RAB38: variants seen among roughly 807,000 people sequenced by gnomAD.
RAB38 encodes ras-related protein Rab-38.
RAB38 carries 15 observed loss-of-function variants against 18.4 expected under a neutral mutation model. The ratio of observed to expected loss-of-function variants is 0.82; its 90% CI spans 0.55 to 1.26. RAB38 has a LOEUF of 1.26. Ranked by LOEUF, RAB38 falls within the 50% of genes most tolerant of loss-of-function variation. The pLI, the probability that RAB38 is intolerant of heterozygous loss-of-function variation, is 0.00. For synonymous variants in RAB38, 101 were observed against 104.4 expected (o/e 0.97, Z 0.20); for missense variants, 294 against 267.4 (o/e 1.10, Z -0.69).
the RAB38 span, among the ~76,000 whole-genome samples, chr11:88,105,106 T>C: frequency 3.3e-5 from 5 of 152,122 alleles, no homozygotes; most frequent in African/African-American, 1.2e-4. Context: ...GATTAAAGCA[T>C]TTTCATATTA....
At chr11:88,154,624 T>C (rs971917361) in intron 1 of RAB38, among the ~76,000 whole-genome samples, 2 of 152,064 alleles carry the variant, frequency 1.3e-5, no homozygotes, top group South Asian at 2.1e-4. Flanking sequence ...GTGACAGACA[T>C]AGATCGTGGT....
the RAB38 span, among the ~76,000 whole-genome samples, chr11:87,852,091 A>T: frequency 2.1e-5 from 3 of 146,192 alleles, no homozygotes; most frequent in African/African-American, 2.6e-5. Context: ...AGAACTTAGT[A>T]GGGTCTTTTT....
chr11:88,108,261 T>G (rs1031176485), downstream of RAB38, among the ~76,000 whole-genome samples: 5 of 152,188 alleles, frequency 3.3e-5, no homozygotes, highest in African/African-American at 1.2e-4. Flanking sequence ...CCTAAGTCTC[T>G]TTGTAGGTCT....
the RAB38 span, among the ~76,000 whole-genome samples, chr11:87,900,660 G>GTAGGAA: frequency 7.9e-6 from 1 of 126,218 alleles, no homozygotes; most frequent in Non-Finnish European, 1.6e-5. Flanking sequence ...AGAAAGAAAG[G>GTAGGAA]TAGGAAGGAA....
the RAB38 span, among the ~76,000 whole-genome samples, chr11:88,092,380 GA>G: frequency 6.5e-5 from 2 of 30,826 alleles, 1 homozygote; most frequent in African/African-American, 2.2e-4. Flanking sequence ...GAGAGAGAGA[GA>G]GAGAGAGAGA....
At chr11:88,010,714 C>T in the RAB38 span, among the ~76,000 whole-genome samples, 8 of 152,154 alleles carry the variant, frequency 5.3e-5, no homozygotes, top group African/African-American at 1.9e-4. Context: ...TCACGATAAT[C>T]CTGCAAATAC....
intron 2 of RAB38, among the ~76,000 whole-genome samples, chr11:88,133,195 C>A (rs559472154): frequency 2.9e-4 from 44 of 151,962 alleles, no homozygotes; most frequent in Non-Finnish European, 5.9e-4. Context: ...GTTCCCAAAG[C>A]CAATTCACTT....
At chr11:88,130,322 G>A (rs1296463635) in intron 2 of RAB38, among the ~76,000 whole-genome samples, 2 of 151,896 alleles carry the variant, frequency 1.3e-5, no homozygotes, top group South Asian at 2.1e-4. Context: ...GGAAGTGAAC[G>A]CAGAACAGAT....
intron 2 of RAB38, among the ~76,000 whole-genome samples, chr11:88,148,151 A>C (rs1943015110): frequency 6.6e-6 from 1 of 152,200 alleles, no homozygotes; most frequent in Non-Finnish European, 1.5e-5. Flanking sequence ...GCACACTGGC[A>C]TACTGGGGTC....
At chr11:88,006,619 T>C in the RAB38 span, among the ~76,000 whole-genome samples, 2 of 84,646 alleles carry the variant, frequency 2.4e-5, no homozygotes, top group African/African-American at 7.7e-5. Context: ...TATATATATG[T>C]ATATATAATA....
the RAB38 span, among the ~76,000 whole-genome samples, chr11:87,849,477 CACAG>C: frequency 6.6e-6 from 1 of 152,122 alleles, no homozygotes; most frequent in African/African-American, 2.4e-5. Context: ...TATCTTGTCA[CACAG>C]ACAGAACTGT....
At chr11:88,166,511 A>G (rs114706551) in intron 1 of RAB38, 60 of 152,294 alleles carry the variant, frequency 3.9e-4, no homozygotes, top group Middle Eastern at 3.4e-3. Flanking sequence ...TCCCTTCCAG[A>G]TCAAGCTTGC....
At chr11:87,850,714 C>CCA in the RAB38 span, among the ~76,000 whole-genome samples, 75,758 of 146,292 alleles carry the variant, frequency 0.52, 20,345 homozygotes, top group South Asian at 0.66. Flanking sequence ...CACAACACTG[C>CCA]CACACACACA....
intron 1 of RAB38, among the ~76,000 whole-genome samples, chr11:88,158,991 C>G (rs533130407): frequency 2.0e-5 from 3 of 151,728 alleles, no homozygotes; most frequent in Non-Finnish European, 4.4e-5. Context: ...CTCTTTATGG[C>G]CAATATGATT....
chr11:87,923,606 A>G, the RAB38 span, among the ~76,000 whole-genome samples: 6 of 151,136 alleles, frequency 4.0e-5, no homozygotes, highest in African/African-American at 1.5e-4. Flanking sequence ...CTTTTTGACA[A>G]TCTAATGCAG....
chr11:88,116,057 G>A (rs1942547197), intron 2 of RAB38, among the ~76,000 whole-genome samples: 1 of 152,152 alleles, frequency 6.6e-6, no homozygotes. Context: ...CATTGCCTGT[G>A]CTTAGCATGT....
chr11:87,895,607 C>G, the RAB38 span, among the ~76,000 whole-genome samples: 1 of 151,638 alleles, frequency 6.6e-6, no homozygotes, highest in African/African-American at 2.4e-5. Flanking sequence ...TTAAGCTAGA[C>G]AATGGAGAGT....
chr11:87,841,875 T>G, the RAB38 span, among the ~76,000 whole-genome samples: 4,990 of 152,328 alleles, frequency 0.033, 249 homozygotes, highest in African/African-American at 0.11. Context: ...TGTTTTCTGT[T>G]AAGGGACATT....
chr11:87,965,909 G>A, the RAB38 span, among the ~76,000 whole-genome samples: 1 of 152,090 alleles, frequency 6.6e-6, no homozygotes, highest in Non-Finnish European at 1.5e-5. Flanking sequence ...TTTTATAGAG[G>A]GAACTAAACA....
Sources: allele counts gnomAD v4.1 joint callset (sites outside exome capture counted in the v4.1 genomes callset), GRCh38; gene constraint gnomAD v4.1.1; transcripts MANE v1.5; gene names NCBI Gene and HGNC (gene_info 2026-07-23, HGNC 2026-07-21).